GOLIM4: variants seen among roughly 807,000 people sequenced by gnomAD.
GOLIM4 encodes 130 kDa golgi-localized phosphoprotein.
In GOLIM4, 71 loss-of-function variants were observed where a neutral mutation model predicts 107.4. The observed-to-expected ratio is 0.66, with a 90% confidence interval of 0.55 to 0.81. The LOEUF is 0.81. Ranked by LOEUF, GOLIM4 falls within the 30% of genes least tolerant of loss-of-function variation. The pLI is 0.00. For synonymous variants in GOLIM4, 327 were observed against 294.8 expected (o/e 1.11, Z -1.12); for missense variants, 830 against 826.1 (o/e 1.00, Z -0.06).
At chr3:168,064,714 G>A (rs889163227) in intron 1 of GOLIM4, among the ~76,000 whole-genome samples, 1 of 148,014 alleles carries the variant, frequency 6.8e-6, no homozygotes, top group African/African-American at 2.6e-5. Flanking sequence ...TGGGACTACA[G>A]GCAAAATCCA....
At chr3:168,086,042 G>C (rs551898112) in intron 1 of GOLIM4, among the ~76,000 whole-genome samples, 7 of 152,048 alleles carry the variant, frequency 4.6e-5, no homozygotes, top group Non-Finnish European at 1.0e-4. Context: ...GGTGATGACC[G>C]CCTATACAGT....
At chr3:168,048,017 A>G (rs1719410025) in intron 2 of GOLIM4, among the ~76,000 whole-genome samples, 1 of 152,054 alleles carries the variant, frequency 6.6e-6, no homozygotes, top group South Asian at 2.1e-4. Context: ...ATGCAGATGA[A>G]AAATTATATG....
chr3:168,033,878 A>G lies in GOLIM4; in HGVS notation c.844-1026T>C, dbSNP rs552250442. ...CAAATCAGTTCTCCCTATAAGTTTCAGCGATCTCTATATGATCTGCACTAC... is the reference window on the plus strand; with the variant it reads ...CAAATCAGTTCTCCCTATAAGTTTCGGCGATCTCTATATGATCTGCACTAC... On this transcript the variant is annotated intron_variant, in intron 8 of 15. Coordinates refer to ENST00000470487, the MANE Select transcript of GOLIM4 (RefSeq NM_014498.5). Among the ~76,000 whole-genome samples, 14 of 152,238 alleles carry G rather than the reference A, an allele frequency of 9.2e-5. No individual in the cohort carries two copies. The East Asian group carries it at 2.7e-3, about 29-fold the overall frequency.
chr3:168,086,582 A>G (rs992375750), intron 1 of GOLIM4, among the ~76,000 whole-genome samples: 4 of 152,242 alleles, frequency 2.6e-5, no homozygotes. Flanking sequence ...CCTATCCTTC[A>G]GAATGACAGC....
chr3:168,076,476 G>A (rs887015725), intron 1 of GOLIM4, among the ~76,000 whole-genome samples: 2 of 152,168 alleles, frequency 1.3e-5, no homozygotes, highest in African/African-American at 4.8e-5. Flanking sequence ...GGAGGATCAC[G>A]AGGTCAAGAG....
chr3:168,055,527 G>A (rs960298777), intron 1 of GOLIM4, among the ~76,000 whole-genome samples: 4 of 151,992 alleles, frequency 2.6e-5, no homozygotes, highest in Non-Finnish European at 4.4e-5. Context: ...GGCCGGGCGC[G>A]GTGGCTCACG....
rs547757727 is a variant in GOLIM4 at position 168,078,984 on chromosome 3, A to C, written c.187+16115T>G. On this transcript the variant is annotated intron_variant, in intron 1 of 15. Coordinates refer to ENST00000470487, the MANE Select transcript of GOLIM4 (RefSeq NM_014498.5). ...ATTTTAAAATTTGTACTAACAGATCAGGAATTATAGTTGGGTTGTATGAGG... is the reference window on the plus strand; with the variant it reads ...ATTTTAAAATTTGTACTAACAGATCCGGAATTATAGTTGGGTTGTATGAGG... Among the ~76,000 whole-genome samples the C allele has an allele frequency of 2.6e-5, 4 of 152,310 alleles. No homozygotes were observed. In the South Asian group the frequency reaches 8.3e-4, roughly 32 times the overall value.
At position 168,029,890 on chromosome 3, in the gene GOLIM4, C is replaced by T; in HGVS notation, c.1323G>A (p.Gly441=). 1.2e-6 allele frequency: 2 copies of T among 1,614,110 alleles called. No homozygotes were observed. Among genetic ancestry groups the T allele is most frequent in the South Asian group, 1.1e-5 (1 of 91,074 alleles). ...QEALHQQRLQ[G]HLLRQQEQQQ... is the part of the protein sequence containing the mutation. ...GCTGTTCCTGCTGCCGTAGTAAGTG[C>T]CCCTGCAGCCTCTGCTGGTGCAAAG... The change falls in exon 10 of 16, where the codon GGG becomes GGA. Residue 441 remains glycine (G), a synonymous_variant. Transcript: ENST00000470487.
intron 1 of GOLIM4, among the ~76,000 whole-genome samples, chr3:168,059,134 C>T (rs1445549224): frequency 1.3e-5 from 2 of 152,116 alleles, no homozygotes; most frequent in Non-Finnish European, 2.9e-5. Flanking sequence ...TTGAAACAAA[C>T]CTAAAAGACA....
rs1298670758 is a variant in GOLIM4 at position 168,010,733 on chromosome 3, C to A, written c.1941+10G>T. On this transcript the variant is annotated intron_variant, in intron 15 of 15. Coordinates refer to ENST00000470487, the MANE Select transcript of GOLIM4 (RefSeq NM_014498.5). ...CAAGTGCTCAATAGAAATATGTATC[C>A]CGGTCATACATTTTCATCATTTTCA... 3.8e-6 allele frequency: 6 copies of A among 1,573,516 alleles called. No individual in the cohort carries two copies. In the African/African-American group the frequency reaches 5.4e-5, roughly 14 times the overall value.
chr3:168,073,041 T>G (rs963773467), intron 1 of GOLIM4, among the ~76,000 whole-genome samples: 1 of 152,218 alleles, frequency 6.6e-6, no homozygotes, highest in Non-Finnish European at 1.5e-5. Flanking sequence ...GCTAAAAAAA[T>G]ATGGTTGCCT....
intron 1 of GOLIM4, among the ~76,000 whole-genome samples, chr3:168,079,716 G>T (rs1463443625): frequency 6.6e-6 from 1 of 152,010 alleles, no homozygotes. Flanking sequence ...AAAAGGGAAA[G>T]ATTTCTTAGG....
chr3:168,090,547 G>A (rs1243656940), intron 1 of GOLIM4, among the ~76,000 whole-genome samples: 4 of 152,090 alleles, frequency 2.6e-5, no homozygotes, highest in Admixed American at 2.0e-4. Context: ...GCAAAGAAAC[G>A]GGAATGCTTA....
At chr3:168,085,139 C>G (rs1721557081) in intron 1 of GOLIM4, among the ~76,000 whole-genome samples, 1 of 152,186 alleles carries the variant, frequency 6.6e-6, no homozygotes, top group African/African-American at 2.4e-5. Context: ...TACGAAAATT[C>G]TTAGCTTCTC....
At chr3:168,024,781 A>G in intron 13 of GOLIM4, 147 bp downstream of exon 13, 1 of 848,048 alleles carries the variant, frequency 1.2e-6, no homozygotes, top group Non-Finnish European at 2.0e-6. Context: ...CTCTCAGAGT[A>G]CAGGCATATC....
At chr3:168,055,676 C>A (rs1209232625) in intron 1 of GOLIM4, among the ~76,000 whole-genome samples, 1 of 151,986 alleles carries the variant, frequency 6.6e-6, no homozygotes, top group East Asian at 1.9e-4. Flanking sequence ...ATGGCAGGTA[C>A]CTGTAGTCCC....
chr3:168,012,846 T>C (rs1269298245), intron 14 of GOLIM4, among the ~76,000 whole-genome samples: 1 of 151,526 alleles, frequency 6.6e-6, no homozygotes, highest in Non-Finnish European at 1.5e-5. Context: ...TGCTGAGAGA[T>C]TTTGTCACCA....
intron 7 of GOLIM4, among the ~76,000 whole-genome samples, chr3:168,037,662 C>G (rs1000857948): frequency 3.9e-5 from 6 of 152,086 alleles, no homozygotes; most frequent in African/African-American, 1.4e-4. Flanking sequence ...TCTAAAGTGA[C>G]AAAGGTACTA....
rs780545448 is a variant in GOLIM4 at position 168,044,878 on chromosome 3, C to T, written c.316G>A (p.Asp106Asn). The T allele has an allele frequency of 7.9e-6, 12 of 1,516,828 alleles. No homozygotes were observed. The highest frequency in any genetic ancestry group is 1.1e-5 in the Non-Finnish European group (12 of 1,119,440). 94.0% of individuals were successfully genotyped at this position (1,516,828 alleles called of 1,614,324 possible). ...AQETLNKGRQ[D>N]SNSRYSALNV... is the part of the protein sequence containing the mutation. The stretch of plus-strand genomic sequence containing the variant: ...AGTGCACTGTATCTGCTATTGGAAT[C>T]TTGCTGTAAATCAAAAAAAAAAAAG... Residue 106 changes from aspartate to asparagine, a missense_variant, in exon 4 of 16, where the codon GAT (aspartate) becomes AAT (asparagine). Coordinates refer to ENST00000470487, the MANE Select transcript of GOLIM4 (RefSeq NM_014498.5).
Sources: allele counts gnomAD v4.1 joint callset (sites outside exome capture counted in the v4.1 genomes callset), GRCh38; gene constraint gnomAD v4.1.1; transcripts MANE v1.5; gene names NCBI Gene and HGNC (gene_info 2026-07-23, HGNC 2026-07-21).